Variants in TRPS1 observed in about 807,000 individuals in gnomAD.
The protein encoded by TRPS1 is transcriptional repressor GATA binding 1, also known as zinc finger transcription factor Trps1.
TRPS1 carries 6 observed loss-of-function variants against 101.2 expected under a neutral mutation model. The observed-to-expected ratio is 0.06, with a 90% CI of 0.03 to 0.12. The LOEUF (loss-of-function observed/expected upper bound fraction) is 0.12. Among genes scored for constraint, TRPS1 ranks in the 10% least tolerant of loss-of-function variants. TRPS1 has a pLI of 1.00. For missense variants in TRPS1, 1,363 were observed against 1,567.0 expected, an observed-to-expected ratio of 0.87 and a Z score of 2.20; for synonymous variants, 578 against 589.8, an observed-to-expected ratio of 0.98 and a Z score of 0.29.
intron 5 of TRPS1, among the ~76,000 whole-genome samples, chr8:115,498,185 G>A (rs1468088416): frequency 6.6e-6 from 1 of 151,712 alleles, no homozygotes; most frequent in Non-Finnish European, 1.5e-5. Flanking sequence ...GAGACCAGCT[G>A]GGCAAACATG....
chr8:115,543,266 G>C (rs1173758842), intron 5 of TRPS1, among the ~76,000 whole-genome samples: 1 of 152,186 alleles, frequency 6.6e-6, no homozygotes, highest in Non-Finnish European at 1.5e-5. Flanking sequence ...ACCACATAGA[G>C]GTGACAAGGA....
chr8:115,539,238 G>A (rs1223093981), intron 5 of TRPS1, among the ~76,000 whole-genome samples: 1 of 152,174 alleles, frequency 6.6e-6, no homozygotes, highest in Non-Finnish European at 1.5e-5. Context: ...CAGCATGATA[G>A]GTTCACTGGT....
Position 115,441,055 on chromosome 8 carries a change from C to G in TRPS1, c.2701-22603G>C, listed in dbSNP as rs568134915. Among the ~76,000 whole-genome samples the G allele has an allele frequency of 7.9e-5, 12 of 152,224 alleles. 1 individual carries two copies. The South Asian group carries it at 2.3e-3, about 29-fold the overall frequency. ...CATCTGGTAACAATTTTTGATATAT[C>G]CAACCATCAAACTTCTATCTCCATG... On this transcript the variant is annotated intron_variant, in intron 5 of 6. Transcript: ENST00000395715.
At chr8:115,605,574 G>A (rs1818017145) in intron 3 of TRPS1, among the ~76,000 whole-genome samples, 2 of 151,930 alleles carry the variant, frequency 1.3e-5, no homozygotes, top group South Asian at 4.1e-4. Flanking sequence ...AAAGCACAGT[G>A]AAACAAACAA....
intron 1 of TRPS1, chr8:115,637,235 T>A: frequency 1.0e-6 from 1 of 984,908 alleles, no homozygotes; most frequent in East Asian, 1.1e-4. Context: ...ATGGCTCACA[T>A]GGAAGACGTG....
In TRPS1 at chr8:115,410,111, G is replaced by A. The variant is rs1812754893; in HGVS notation, c.*3912C>T. ...ATTTTATTTACTAAACAGGGCAGCA[G>A]TTCACAGGTCTCAAGACCGGTCACT... On this transcript the variant is annotated 3_prime_UTR_variant, in exon 7 of 7. Coordinates refer to ENST00000395715, the MANE Select transcript of TRPS1 (RefSeq NM_014112.5). The A allele has an allele frequency of 6.6e-6, 1 of 151,964 alleles. No homozygotes were observed. The allele number at this position is 151,964 out of a possible 1,614,324, so 9.4% of individuals were successfully genotyped here. A position where few individuals can be genotyped will look rare whatever the true frequency, so the allele number is the denominator to read the frequency against.
In TRPS1 at chr8:115,587,226, C is replaced by T. The variant is rs747804768; in HGVS notation, c.2475G>A (p.Gly825=). Residue 825 remains glycine, a synonymous_variant, in exon 5 of 7, where the codon GGG becomes GGA. Transcript: ENST00000395715. Reference sequence around the variant, plus strand: ...GGGTGCCAGACACAGGCGTCAGCAGCCCCAGGCTTGCTTGGGTGTATGACG... The same window carrying T: ...GGGTGCCAGACACAGGCGTCAGCAGTCCCAGGCTTGCTTGGGTGTATGACG... ...GSPSYTQASL[G]LLTPVSGTQE... The T allele has an allele frequency of 3.7e-6, 6 of 1,614,096 alleles. No individual in the cohort carries two copies. The highest frequency in any genetic ancestry group is 5.1e-6 in the Non-Finnish European group (6 of 1,180,034).
At chr8:115,544,518 C>T (rs893117486) in intron 5 of TRPS1, among the ~76,000 whole-genome samples, 1 of 151,966 alleles carries the variant, frequency 6.6e-6, no homozygotes, top group Non-Finnish European at 1.5e-5. Context: ...CTTCCAACTA[C>T]ACCTAAAAAT....
At chr8:115,597,505 C>T (rs1204250381) in intron 4 of TRPS1, among the ~76,000 whole-genome samples, 1 of 151,894 alleles carries the variant, frequency 6.6e-6, no homozygotes, top group African/African-American at 2.4e-5. Flanking sequence ...TTTAGAACTG[C>T]TCTATATGTG....
chr8:115,566,460 G>C (rs899714356), intron 5 of TRPS1, among the ~76,000 whole-genome samples: 14 of 152,142 alleles, frequency 9.2e-5, no homozygotes, highest in African/African-American at 3.4e-4. Flanking sequence ...GGGAGGGGCA[G>C]TGCCAATGGC....
chr8:115,568,261 T>A (rs1817116196), intron 5 of TRPS1, among the ~76,000 whole-genome samples: 1 of 152,176 alleles, frequency 6.6e-6, no homozygotes, highest in Admixed American at 6.6e-5. Context: ...AAAGGTTAAG[T>A]TGAATAGTAT....
intron 5 of TRPS1, among the ~76,000 whole-genome samples, chr8:115,570,689 TCACA>T (rs35198890): frequency 2.1e-3 from 198 of 95,720 alleles, no homozygotes; most frequent in South Asian, 3.9e-3. Flanking sequence ...ACACACACAC[TCACA>T]CACACACACA....
At chr8:115,555,581 T>A (rs985673814) in intron 5 of TRPS1, among the ~76,000 whole-genome samples, 2 of 151,674 alleles carry the variant, frequency 1.3e-5, no homozygotes, top group African/African-American at 4.8e-5. Flanking sequence ...AGGGGGTTGA[T>A]GAAGGGAGGA....
intron 5 of TRPS1, among the ~76,000 whole-genome samples, chr8:115,510,152 C>T (rs1027913545): frequency 2.0e-5 from 3 of 151,958 alleles, no homozygotes; most frequent in Admixed American, 1.3e-4. Context: ...ACATTTTACC[C>T]AGTACATCCC....
chr8:115,468,368 C>T (rs1463849777), intron 5 of TRPS1, among the ~76,000 whole-genome samples: 1 of 152,086 alleles, frequency 6.6e-6, no homozygotes, highest in African/African-American at 2.4e-5. Context: ...AAAATAATTT[C>T]CCTTGCATAT....
At chr8:115,417,711 T>C (rs970460348) in intron 6 of TRPS1, among the ~76,000 whole-genome samples, 2 of 152,134 alleles carry the variant, frequency 1.3e-5, no homozygotes, top group African/African-American at 4.8e-5. Flanking sequence ...AAAGACAAAG[T>C]ATCTTTGCAC....
At chr8:115,492,828 C>A (rs950969193) in intron 5 of TRPS1, among the ~76,000 whole-genome samples, 1 of 152,064 alleles carries the variant, frequency 6.6e-6, no homozygotes, top group African/African-American at 2.4e-5. Context: ...ATTTTCATGC[C>A]TCAGCCTCCC....
intron 4 of TRPS1, among the ~76,000 whole-genome samples, chr8:115,598,899 C>T (rs1045297505): frequency 1.3e-5 from 2 of 152,154 alleles, no homozygotes; most frequent in Non-Finnish European, 2.9e-5. Context: ...GATGTCTCTG[C>T]CTTGGCATTC....
rs144909663 is a variant in TRPS1 at position 115,471,640 on chromosome 8, G to C, written c.2701-53188C>G. On this transcript the variant is annotated intron_variant, in intron 5 of 6. Coordinates refer to ENST00000395715, the MANE Select transcript of TRPS1 (RefSeq NM_014112.5). ...ATCCAGCATTAACCCAAAAGTCCAA[G>C]TCCAAAGTCTCATCTGAAACAAGGC... 2.7e-3 allele frequency among the ~76,000 whole-genome samples: 405 copies of C among 152,154 alleles called. 1 individual carries two copies. Among genetic ancestry groups the C allele is most frequent in the African/African-American group, 9.5e-3 (393 of 41,504 alleles).
Sources: gnomAD v4.1 joint callset for allele counts (sites outside exome capture counted in the v4.1 genomes callset) on GRCh38, gnomAD v4.1.1 for gene constraint, MANE v1.5 for transcripts, NCBI Gene and HGNC (gene_info 2026-07-23, HGNC 2026-07-21) for gene names.